DNAH6: variants seen among roughly 807,000 people sequenced by gnomAD.
DNAH6 encodes the protein dynein axonemal heavy chain 6, also known as axonemal beta dynein heavy chain 6.
In DNAH6, 340 loss-of-function variants were observed where a neutral mutation model predicts 491.4. That is an observed-to-expected ratio of 0.69 (90% confidence interval 0.63 to 0.76). The LOEUF (loss-of-function observed/expected upper bound fraction) is 0.76, where lower values mean the gene tolerates loss of function less well. Ranked by LOEUF, DNAH6 falls within the 30% of genes least tolerant of loss-of-function variation. The probability of loss-of-function intolerance (pLI) is 0.00; values close to 1 mark genes in which losing one functional copy is unlikely to be tolerated. For synonymous variants in DNAH6, 1,603 were observed against 1,686.1 expected (o/e 0.95, Z 1.21); for missense variants, 4,443 against 4,972.2 (o/e 0.89, Z 3.20).
chr2:84,488,222 G>T, the DNAH6 span, among the ~76,000 whole-genome samples: 1 of 152,060 alleles, frequency 6.6e-6, no homozygotes, highest in East Asian at 1.9e-4. Flanking sequence ...TACCACAAAG[G>T]TAATGTTGTT....
rs747720807 is a variant in DNAH6 at position 84,694,466 on chromosome 2, TTCACTG to T, written c.7511_7516del (p.Phe2504_Asp2506delinsTyr). 1.3e-6 allele frequency: 2 copies of T among 1,551,636 alleles called. No individual in the cohort carries two copies. The highest frequency in any genetic ancestry group is 2.7e-5 in the African/African-American group (2 of 73,172). On this transcript the variant is annotated inframe_deletion, in exon 46 of 77. Coordinates refer to ENST00000389394, the MANE Select transcript of DNAH6 (RefSeq NM_001370.2). ...AGAAGACAAGAATATGGTTTTCCTT[TTCACTG>T]ACACCCAGGTGTGTGTTTAAATAGC... is the stretch of plus-strand genomic sequence containing the variant.
At chr2:84,650,772 G>GT (rs1690382950) in intron 33 of DNAH6, among the ~76,000 whole-genome samples, 1 of 152,108 alleles carries the variant, frequency 6.6e-6, no homozygotes, top group Non-Finnish European at 1.5e-5. Context: ...TCTCATCTCA[G>GT]TGTTAGCATC....
chr2:84,547,664 T>A, intron 7 of DNAH6, 52 bp downstream of exon 7: 1 of 1,515,930 alleles, frequency 6.6e-7, no homozygotes, highest in Non-Finnish European at 8.9e-7. Flanking sequence ...TTTCTAAAAT[T>A]TCAGCCCTTT....
In DNAH6 at chr2:84,619,683, A is replaced by G. The variant is rs1170474111; in HGVS notation, c.3573-2A>G. On this transcript the variant is annotated splice_acceptor_variant, in intron 23 of 76. Coordinates refer to ENST00000389394, the MANE Select transcript of DNAH6 (RefSeq NM_001370.2). LOFTEE classifies it high-confidence loss of function. Reference sequence around the variant, plus strand: ...ATATTTTAAGGATGTTCTTTAATCCAGGTTTTACTTCTTGTCAAATGATGA... The same window carrying G: ...ATATTTTAAGGATGTTCTTTAATCCGGGTTTTACTTCTTGTCAAATGATGA... 1 of 1,550,496 alleles carries G rather than the reference A, an allele frequency of 6.4e-7. No homozygotes were observed. The highest frequency in any genetic ancestry group is 8.7e-7 in the Non-Finnish European group (1 of 1,146,080).
the DNAH6 span, among the ~76,000 whole-genome samples, chr2:84,489,759 C>T: frequency 6.6e-6 from 1 of 152,240 alleles, no homozygotes; most frequent in East Asian, 1.9e-4. Context: ...TAATCTAGAG[C>T]AGTGTTCTCA....
In DNAH6 at chr2:84,703,585, G is replaced by A. The variant is rs749095068; in HGVS notation, c.8229+23G>A. ...CAGGTATGCTGCAGTTCCTGAGAAT[G>A]TGGAAAAGGCTTCTGTCAGCAACTG... On this transcript the variant is annotated intron_variant, in intron 50 of 76. Coordinates refer to ENST00000389394, the MANE Select transcript of DNAH6 (RefSeq NM_001370.2). 8.5e-6 allele frequency: 13 copies of A among 1,526,886 alleles called. No individual in the cohort carries two copies. The Admixed American group carries it at 2.5e-4, about 30-fold the overall frequency. The allele number at this position is 1,526,886 out of a possible 1,614,324, so 94.6% of individuals were successfully genotyped here.
chr2:84,530,854 G>A (rs901100672), intron 4 of DNAH6, among the ~76,000 whole-genome samples: 1 of 152,128 alleles, frequency 6.6e-6, no homozygotes, highest in Admixed American at 6.5e-5. Flanking sequence ...AGCAAGAGGG[G>A]TAGAGTTGCT....
chr2:84,731,409 G>A (rs1333305466), intron 61 of DNAH6, among the ~76,000 whole-genome samples: 4 of 152,264 alleles, frequency 2.6e-5, no homozygotes, highest in South Asian at 2.1e-4. Context: ...GTTTGGTGCA[G>A]CATCACTGTT....
At chr2:84,804,549 TA>T (rs1679236814) in intron 70 of DNAH6, among the ~76,000 whole-genome samples, 1 of 152,042 alleles carries the variant, frequency 6.6e-6, no homozygotes, top group African/African-American at 2.4e-5. Flanking sequence ...GTATCATGAA[TA>T]TTTTTTATTT....
chr2:84,631,024 A>G (rs541711814), intron 29 of DNAH6, among the ~76,000 whole-genome samples: 1 of 152,310 alleles, frequency 6.6e-6, no homozygotes, highest in East Asian at 1.9e-4. Flanking sequence ...CTTATTTCTA[A>G]TGGTCAATTA....
intron 64 of DNAH6, among the ~76,000 whole-genome samples, chr2:84,767,015 G>A (rs13428856): frequency 1.6e-3 from 238 of 152,112 alleles, no homozygotes; most frequent in African/African-American, 5.5e-3. Flanking sequence ...TCTTATCTGG[G>A]GGAACAGAAA....
At chr2:84,763,218 T>A (rs1344657607) in intron 64 of DNAH6, among the ~76,000 whole-genome samples, 1 of 152,148 alleles carries the variant, frequency 6.6e-6, no homozygotes, top group Non-Finnish European at 1.5e-5. Flanking sequence ...TGTTTGGTAT[T>A]TAAGACAGGA....
Position 84,626,598 on chromosome 2 carries a change from A to ATT in DNAH6, c.4515+1539_4515+1540dup, listed in dbSNP as rs200249531. 1.8e-3 allele frequency among the ~76,000 whole-genome samples: 274 copies of ATT among 151,766 alleles called. 1 individual carries two copies. The East Asian group carries it at 0.023, about 13-fold the overall frequency. ...TTTCTTTACTTCTTCTAGAACCATTATTTTTCTCTTTTTTTATTTTTTATT... is the reference window on the plus strand; with the variant it reads ...TTTCTTTACTTCTTCTAGAACCATTATTTTTTTCTCTTTTTTTATTTTTTATT... On this transcript the variant is annotated intron_variant, in intron 29 of 76. Coordinates refer to ENST00000389394, the MANE Select transcript of DNAH6 (RefSeq NM_001370.2).
intron 40 of DNAH6, among the ~76,000 whole-genome samples, chr2:84,676,317 T>C (rs1402364813): frequency 6.6e-6 from 1 of 152,210 alleles, no homozygotes. Context: ...CACATTTTTG[T>C]GCCTTCTGTT....
At chr2:84,684,260 A>T (rs1377062957) in intron 42 of DNAH6, among the ~76,000 whole-genome samples, 2 of 152,238 alleles carry the variant, frequency 1.3e-5, no homozygotes, top group Admixed American at 6.5e-5. Context: ...CTTCAGACTC[A>T]CTGATCCTCA....
chr2:84,685,747 C>T (rs755972308), intron 43 of DNAH6, among the ~76,000 whole-genome samples: 5 of 151,778 alleles, frequency 3.3e-5, no homozygotes, highest in African/African-American at 9.7e-5. Flanking sequence ...CTCAGGAGTT[C>T]GAGACCAGCC....
intron 30 of DNAH6, 84 bp downstream of exon 30, chr2:84,634,725 A>G: frequency 7.2e-7 from 1 of 1,382,978 alleles, no homozygotes; most frequent in Non-Finnish European, 9.4e-7. Context: ...TAGGAAGGAG[A>G]TGCTAAAAAT....
intron 4 of DNAH6, among the ~76,000 whole-genome samples, chr2:84,541,495 A>C (rs1678237142): frequency 6.6e-6 from 1 of 152,212 alleles, no homozygotes; most frequent in South Asian, 2.1e-4. Flanking sequence ...CCATTGACAC[A>C]CACCATTATA....
the DNAH6 span, among the ~76,000 whole-genome samples, chr2:84,469,177 C>T: frequency 6.6e-6 from 1 of 152,044 alleles, no homozygotes; most frequent in African/African-American, 2.4e-5. This position sits in a 1 kb window ranked among gnomAD's most constrained non-coding sequence, Gnocchi z 4.0. Flanking sequence ...TTCGTTCAAC[C>T]GTTTGCACAG....
Sources: gnomAD v4.1 joint callset for allele counts (sites outside exome capture counted in the v4.1 genomes callset) on GRCh38, gnomAD v4.1.1 for gene constraint, Gnocchi (gnomAD v3.1) non-coding constraint, MANE v1.5 for transcripts, NCBI Gene and HGNC (gene_info 2026-07-23, HGNC 2026-07-21) for gene names.